Variants in CDH6 observed in about 807,000 individuals in gnomAD.
The protein encoded by CDH6 is cadherin-6.
A neutral mutation model predicts 78.0 loss-of-function variants in CDH6; 31 were observed. The observed-to-expected ratio is 0.40, with a 90% CI of 0.30 to 0.54. CDH6 has a LOEUF of 0.54. Among genes scored for constraint, CDH6 ranks in the 20% least tolerant of loss-of-function variants. CDH6 has a pLI of 0.56. For synonymous variants in CDH6, 376 were observed against 368.8 expected (o/e 1.02, Z -0.23); for missense variants, 724 against 975.9 (o/e 0.74, Z 3.44).
intron 1 of CDH6, among the ~76,000 whole-genome samples, chr5:31,219,499 T>A (rs1453922548): frequency 1.3e-5 from 2 of 152,102 alleles, no homozygotes; most frequent in Non-Finnish European, 2.9e-5. Context: ...AACATATGAC[T>A]GCCTTCTTCA....
In CDH6 at chr5:31,223,268, G is replaced by A. The variant is rs140428250; in HGVS notation, c.-129+29382G>A. Among the ~76,000 whole-genome samples, 401 of 152,284 alleles carry A rather than the reference G, an allele frequency of 2.6e-3. 5 individuals carry two copies. The highest frequency in any genetic ancestry group is 9.5e-3 in the African/African-American group (393 of 41,572). ...CAGTGGCGGATAAAAATTGCTCTTA[G>A]AACTTGTTTGATGCATTTTCATCTC... is the stretch of plus-strand genomic sequence containing the variant. On this transcript the variant is annotated intron_variant, in intron 1 of 11. Coordinates refer to ENST00000265071, the MANE Select transcript of CDH6 (RefSeq NM_004932.4).
intron 1 of CDH6, among the ~76,000 whole-genome samples, chr5:31,220,943 C>T (rs1740988493): frequency 6.6e-6 from 1 of 152,146 alleles, no homozygotes; most frequent in Non-Finnish European, 1.5e-5. Context: ...TCCTGAACAT[C>T]TGGATTTATT....
chr5:31,303,608 T>C (rs899550306), intron 6 of CDH6, among the ~76,000 whole-genome samples: 2 of 152,332 alleles, frequency 1.3e-5, no homozygotes, highest in African/African-American at 4.8e-5. Flanking sequence ...ACCAATGAAT[T>C]GTATGCTTCA....
At chr5:31,253,382 TGAA>T (rs1452234797) in intron 1 of CDH6, among the ~76,000 whole-genome samples, 2 of 152,238 alleles carry the variant, frequency 1.3e-5, no homozygotes, top group African/African-American at 2.4e-5. Flanking sequence ...TGCCATCATG[TGAA>T]GAAGGACATG....
At position 31,306,792 on chromosome 5, in the gene CDH6, T is replaced by C. The variant is rs367898229; in HGVS notation, c.1253+1365T>C. On this transcript the variant is annotated intron_variant, in intron 7 of 11. Coordinates refer to ENST00000265071, the MANE Select transcript of CDH6 (RefSeq NM_004932.4). ...CAGAAATAGACAAACAGTAAATATG[T>C]AATACGTCAGGCAAAAGTAAATTTT... Among the ~76,000 whole-genome samples, 12 of 152,194 alleles carry C rather than the reference T, an allele frequency of 7.9e-5. No homozygotes were observed. The South Asian group carries it at 1.0e-3, about 13-fold the overall frequency.
intron 2 of CDH6, among the ~76,000 whole-genome samples, chr5:31,281,103 G>T (rs1256006998): frequency 1.3e-5 from 2 of 152,074 alleles, no homozygotes; most frequent in African/African-American, 4.8e-5. Context: ...TAACTTTTTA[G>T]ATCCTAAGTA....
At chr5:31,284,109 C>A (rs1443627959) in intron 2 of CDH6, among the ~76,000 whole-genome samples, 2 of 152,152 alleles carry the variant, frequency 1.3e-5, no homozygotes, top group Non-Finnish European at 2.9e-5. Context: ...GCCACCGTGC[C>A]CAGCCCTATT....
chr5:31,222,847 T>C (rs533433143), intron 1 of CDH6, among the ~76,000 whole-genome samples: 1 of 152,286 alleles, frequency 6.6e-6, no homozygotes, highest in South Asian at 2.1e-4. Flanking sequence ...TCATCTGCTG[T>C]TTTCATTATT....
chr5:31,251,460 C>T lies in CDH6; in HGVS notation c.-128-15886C>T, dbSNP rs1458177640. 7 of 152,410 alleles carry T rather than the reference C, an allele frequency of 4.6e-5. No individual in the cohort carries two copies. The East Asian group carries it at 1.4e-3, about 29-fold the overall frequency. 9.4% of individuals were successfully genotyped at this position (152,410 alleles called of 1,614,324 possible). A position where few individuals can be genotyped will look rare whatever the true frequency, so the allele number is the denominator to read the frequency against. On this transcript the variant is annotated intron_variant, in intron 1 of 11. Transcript: ENST00000265071. ...AGGGGGACAGCTCCACACTTCTTTC[C>T]TTCTGGCAAGTTCAGAAGTCACACC...
intron 7 of CDH6, among the ~76,000 whole-genome samples, chr5:31,308,536 A>T (rs1437056911): frequency 6.6e-6 from 1 of 152,098 alleles, no homozygotes; most frequent in Non-Finnish European, 1.5e-5. Flanking sequence ...TGACTGGACA[A>T]TAAATATCCT....
intron 2 of CDH6, among the ~76,000 whole-genome samples, chr5:31,281,188 A>G (rs766472413): frequency 2.0e-5 from 3 of 152,150 alleles, no homozygotes; most frequent in Non-Finnish European, 4.4e-5. Flanking sequence ...GAAAAAGTCC[A>G]TTTGCTATTA....
intron 2 of CDH6, among the ~76,000 whole-genome samples, chr5:31,278,270 A>C (rs1742753836): frequency 6.6e-6 from 1 of 152,192 alleles, no homozygotes; most frequent in Non-Finnish European, 1.5e-5. Context: ...TTTCTATGAA[A>C]ACTACCTCTG....
chr5:31,308,094 A>C (rs1738039149), intron 7 of CDH6, among the ~76,000 whole-genome samples: 1 of 152,128 alleles, frequency 6.6e-6, no homozygotes, highest in Admixed American at 6.5e-5. Flanking sequence ...TTCATACATA[A>C]TTTTTGATTA....
rs547057696 is a variant in CDH6 at position 31,242,590 on chromosome 5, T to G, written c.-128-24756T>G. Among the ~76,000 whole-genome samples, 34 of 151,978 alleles carry G rather than the reference T, an allele frequency of 2.2e-4. 1 individual carries two copies. Among genetic ancestry groups the G allele is most frequent in the Non-Finnish European group, 4.3e-4 (29 of 68,018 alleles). ...TAGTAGCAGTGGCAGGATCGTAGCA[T>G]GCAGGGAAAGCAAATCTATATCCAG... On this transcript the variant is annotated intron_variant, in intron 1 of 11. Transcript: ENST00000265071.
At chr5:31,279,144 A>G (rs1220874347) in intron 2 of CDH6, among the ~76,000 whole-genome samples, 5 of 152,214 alleles carry the variant, frequency 3.3e-5, no homozygotes, top group South Asian at 2.1e-4. Context: ...AAATTCTTGT[A>G]TAACTTTCAA....
intron 1 of CDH6, chr5:31,249,295 C>G (rs973874676): frequency 6.6e-6 from 1 of 152,170 alleles, no homozygotes; most frequent in African/African-American, 2.4e-5. Flanking sequence ...TTGCAGTAGA[C>G]TGGCTGCCCT....
chr5:31,255,287 G>A (rs980373886), intron 1 of CDH6, among the ~76,000 whole-genome samples: 5 of 152,192 alleles, frequency 3.3e-5, no homozygotes, highest in African/African-American at 7.2e-5. Flanking sequence ...TGACGGTGCC[G>A]TCGTTAAATT....
chr5:31,227,464 A>C (rs928079072), intron 1 of CDH6, among the ~76,000 whole-genome samples: 4 of 152,216 alleles, frequency 2.6e-5, no homozygotes, highest in African/African-American at 9.6e-5. Flanking sequence ...TACATTTTGA[A>C]GTTATTTGCT....
At chr5:31,306,385 C>T (rs972772120) in intron 7 of CDH6, among the ~76,000 whole-genome samples, 1 of 152,132 alleles carries the variant, frequency 6.6e-6, no homozygotes, top group Admixed American at 6.5e-5. Flanking sequence ...CTCTTTGGGA[C>T]CACTGATGCT....
Sources: gnomAD v4.1 joint callset for allele counts (sites outside exome capture counted in the v4.1 genomes callset) on GRCh38, gnomAD v4.1.1 for gene constraint, MANE v1.5 for transcripts, NCBI Gene and HGNC (gene_info 2026-07-23, HGNC 2026-07-21) for gene names.